Variants in CTDSPL2 observed in about 807,000 individuals in gnomAD.
The protein encoded by CTDSPL2 is CTD small phosphatase-like protein 2.
CTDSPL2 carries 5 observed loss-of-function variants against 60.0 expected under a neutral mutation model. That is an observed-to-expected ratio of 0.08 (90% CI 0.04 to 0.18). The LOEUF is 0.18. Ranked by LOEUF, CTDSPL2 falls within the 10% of genes least tolerant of loss-of-function variation. CTDSPL2 has a pLI of 1.00. For missense variants in CTDSPL2, 370 were observed against 548.8 expected, an observed-to-expected ratio of 0.67 and a Z score of 3.26; for synonymous variants, 186 against 189.3, an observed-to-expected ratio of 0.98 and a Z score of 0.14.
rs1270764513 is a variant in CTDSPL2 at position 44,528,273 on chromosome 15, A to AT, written c.*4101dup. ...TTACTCTGAGGAGCTTTTAAAATAG[A>AT]TTCCTGGAGCCTACCCCTGGAAAAT... On this transcript the variant is annotated 3_prime_UTR_variant, in exon 13 of 13. Transcript: ENST00000260327. 6.6e-6 allele frequency: 1 copy of AT among 151,784 alleles called. No homozygotes were observed. Among genetic ancestry groups the AT allele is most frequent in the African/African-American group, 2.4e-5 (1 of 41,334 alleles). 9.4% of individuals were successfully genotyped at this position (151,784 alleles called of 1,614,324 possible). A position where few individuals can be genotyped will look rare whatever the true frequency, so the allele number is the denominator to read the frequency against.
chr15:44,499,411 TAAAA>T (rs564209908), intron 7 of CTDSPL2, among the ~76,000 whole-genome samples: 6 of 151,834 alleles, frequency 4.0e-5, no homozygotes, highest in African/African-American at 1.2e-4. Flanking sequence ...AAAATAAAAA[TAAAA>T]AAAACACAGA....
intron 1 of CTDSPL2, among the ~76,000 whole-genome samples, chr15:44,440,145 C>T (rs2080054629): frequency 6.7e-6 from 1 of 149,828 alleles, no homozygotes; most frequent in African/African-American, 2.5e-5. Flanking sequence ...TGATTTTCAT[C>T]TAAATTATTG....
intron 1 of CTDSPL2, among the ~76,000 whole-genome samples, chr15:44,440,462 C>T (rs1202472103): frequency 2.0e-5 from 3 of 152,102 alleles, no homozygotes; most frequent in Non-Finnish European, 4.4e-5. Context: ...TCCAAAAGTG[C>T]TGGGATTACA....
In CTDSPL2 at chr15:44,466,004, G is replaced by C. The variant is rs2080680219; in HGVS notation, c.186+6804G>C. 2.0e-5 allele frequency among the ~76,000 whole-genome samples: 3 copies of C among 151,180 alleles called. No homozygotes were observed. The Admixed American group carries it at 2.0e-4, about 10-fold the overall frequency. On this transcript the variant is annotated intron_variant, in intron 2 of 12. Transcript: ENST00000260327. ...GGCTGGAGTGCAGTGGGACCATGTT[G>C]GCTCACTGCAACCTCCATCTCCTTG...
rs538180411 is a variant in CTDSPL2 at position 44,476,455 on chromosome 15, A to G, written c.187-7769A>G. 1.3e-3 allele frequency among the ~76,000 whole-genome samples: 203 copies of G among 152,350 alleles called. 2 individuals are homozygous for G. The highest frequency in any genetic ancestry group is 4.2e-3 in the Admixed American group (64 of 15,294). On this transcript the variant is annotated intron_variant, in intron 2 of 12. Transcript: ENST00000260327. ...AAGTAAATGTATTTTAAATGAATATATTATTGCAAAGCAAAAGCAGAAGAG... is the reference window on the plus strand; with the variant it reads ...AAGTAAATGTATTTTAAATGAATATGTTATTGCAAAGCAAAAGCAGAAGAG...
chr15:44,485,950 T>A (rs2081111166), intron 3 of CTDSPL2, among the ~76,000 whole-genome samples: 1 of 152,220 alleles, frequency 6.6e-6, no homozygotes, highest in South Asian at 2.1e-4. Flanking sequence ...AACAGTTGAT[T>A]GATTTTACTT....
chr15:44,516,790 T>A (rs1000442101), intron 10 of CTDSPL2: 1 of 152,228 alleles, frequency 6.6e-6, no homozygotes, highest in Non-Finnish European at 1.5e-5. Context: ...GGTTTCCATT[T>A]GTTCTATCTA....
intron 1 of CTDSPL2, among the ~76,000 whole-genome samples, chr15:44,445,866 T>G (rs1347796481): frequency 4.0e-5 from 6 of 151,184 alleles, no homozygotes. Flanking sequence ...CTCGAATGCC[T>G]GACTTCATGA....
chr15:44,430,044 C>A (rs1466150907), intron 1 of CTDSPL2, among the ~76,000 whole-genome samples: 1 of 152,070 alleles, frequency 6.6e-6, no homozygotes, highest in Non-Finnish European at 1.5e-5. Context: ...TACTGTTTTC[C>A]CACTGTTAAG....
Position 44,519,183 on chromosome 15 carries a change from G to T in CTDSPL2, c.1127G>T (p.Arg376Leu). 6.8e-7 allele frequency: 1 copy of T among 1,479,510 alleles called. No homozygotes were observed. The allele number at this position is 1,479,510 out of a possible 1,614,324, so 91.6% of individuals were successfully genotyped here. The change falls in exon 11 of 13, where the codon CGT becomes CTT. Residue 376 changes from arginine (R) to leucine (L), a missense_variant. Physicochemically the swap from Arg to Leu is moderately radical, Grantham distance 102. Around this residue, in one of 6 missense-constraint regions of CTDSPL2, gnomAD observed 46 missense variants for 126.0 expected, o/e 0.37. Coordinates refer to ENST00000260327, the MANE Select transcript of CTDSPL2 (RefSeq NM_016396.3). ...TTTATGTTTAGGCACCGGCTTTTCC[G>T]TGAACATTGTGTTTGTGTACAAGGA... is the stretch of plus-strand genomic sequence containing the variant. ...KKQLVRHRLF[R>L]EHCVCVQGNY... is the part of the protein sequence containing the mutation.
chr15:44,486,618 C>T lies in CTDSPL2; in HGVS notation c.393C>T (p.Ser131=). ...ATGGAAAATTAGAAGATAATCCTTC[C>T]TCTGGCAGTCCTCCAAGGACTACTT... is the stretch of plus-strand genomic sequence containing the variant. ...KQNGKLEDNP[S]SGSPPRTTLL... The change falls in exon 4 of 13, where the codon TCC becomes TCT. Residue 131 remains serine (S), a synonymous_variant. Coordinates refer to ENST00000260327, the MANE Select transcript of CTDSPL2 (RefSeq NM_016396.3). 6.3e-7 allele frequency: 1 copy of T among 1,593,884 alleles called. No individual in the cohort carries two copies. The highest frequency in any genetic ancestry group is 8.5e-7 in the Non-Finnish European group (1 of 1,170,392).
chr15:44,450,217 CTTAG>C (rs1024262473), intron 1 of CTDSPL2, among the ~76,000 whole-genome samples: 1 of 151,770 alleles, frequency 6.6e-6, no homozygotes, highest in Non-Finnish European at 1.5e-5. Flanking sequence ...ATTTAAATTA[CTTAG>C]TTTTACTGTT....
intron 2 of CTDSPL2, among the ~76,000 whole-genome samples, chr15:44,479,456 G>C (rs951435854): frequency 1.5e-5 from 2 of 132,608 alleles, no homozygotes; most frequent in African/African-American, 5.9e-5. Context: ...CTGTTGCCCA[G>C]GTTGCAGTGG....
intron 8 of CTDSPL2, among the ~76,000 whole-genome samples, chr15:44,512,201 A>C (rs945424668): frequency 2.6e-5 from 4 of 152,118 alleles, no homozygotes; most frequent in Non-Finnish European, 4.4e-5. Flanking sequence ...GTCTTAAAAA[A>C]AAAAACAAAA....
At chr15:44,431,621 A>G (rs79999939) in intron 1 of CTDSPL2, among the ~76,000 whole-genome samples, 1,755 of 152,246 alleles carry the variant, frequency 0.012, 40 homozygotes, top group East Asian at 0.087. Context: ...CAGATTGACT[A>G]TCAAATAAGC....
rs1253305896 is a variant in CTDSPL2, at chr15:44,526,977, T to G, written c.*2803T>G. Reference sequence around the variant, plus strand: ...ACATTCTTTTAAATATTTGTATCATTGTTAGGATGTTTTAATCAGTTGTTT... The same window carrying G: ...ACATTCTTTTAAATATTTGTATCATGGTTAGGATGTTTTAATCAGTTGTTT... On this transcript the variant is annotated 3_prime_UTR_variant, in exon 13 of 13. Coordinates refer to ENST00000260327, the MANE Select transcript of CTDSPL2 (RefSeq NM_016396.3). 3.9e-5 allele frequency: 6 copies of G among 152,302 alleles called. No homozygotes were observed. The highest frequency in any genetic ancestry group is 7.4e-5 in the Non-Finnish European group (5 of 67,990). The allele number at this position is 152,302 out of a possible 1,614,324, so 9.4% of individuals were successfully genotyped here.
chr15:44,517,504 G>T (rs1210865476), intron 10 of CTDSPL2: 3 of 151,396 alleles, frequency 2.0e-5, no homozygotes, highest in Non-Finnish European at 2.9e-5. Context: ...AAGAAAAAAA[G>T]AAATTCCTGT....
At chr15:44,487,672 C>T (rs1001595815) in intron 4 of CTDSPL2, among the ~76,000 whole-genome samples, 1 of 152,044 alleles carries the variant, frequency 6.6e-6, no homozygotes, top group Admixed American at 6.6e-5. Context: ...TGGAACATTG[C>T]ATTTGAGAAG....
In CTDSPL2 at chr15:44,492,612, A is replaced by G. The variant is rs552707106; in HGVS notation, c.691+1613A>G. 2.0e-4 allele frequency among the ~76,000 whole-genome samples: 30 copies of G among 152,364 alleles called. No homozygotes were observed. The South Asian group carries it at 5.8e-3, about 29-fold the overall frequency. On this transcript the variant is annotated intron_variant, in intron 5 of 12. Transcript: ENST00000260327. ...ACAGCAGAAAACATTTAAAGAAAAT[A>G]TGATACAATTATGAAACTTCTATAT...
Sources: gnomAD v4.1 joint callset for allele counts (sites outside exome capture counted in the v4.1 genomes callset) on GRCh38, gnomAD v4.1.1 for gene constraint, gnomAD v4.1.1 regional missense constraint, MANE v1.5 for transcripts, NCBI Gene and HGNC (gene_info 2026-07-23, HGNC 2026-07-21) for gene names.